Variants in HDX observed in about 807,000 individuals in gnomAD.
The protein encoded by HDX is chromosome X open reading frame 43.
Under a neutral mutation model 45.2 loss-of-function variants are expected in HDX, and 19 were observed. The observed-to-expected ratio is 0.42, with a 90% CI of 0.29 to 0.62. The LOEUF (loss-of-function observed/expected upper bound fraction) is 0.62. Ranked by LOEUF, HDX falls within the 20% of genes least tolerant of loss-of-function variation. HDX has a pLI of 0.20. For missense variants in HDX, 532 were observed against 493.9 expected, an observed-to-expected ratio of 1.08 and a Z score of -0.73; for synonymous variants, 188 against 172.8, an observed-to-expected ratio of 1.09 and a Z score of -0.69.
intron 4 of HDX, among the ~76,000 whole-genome samples, chrX:84,445,421 AT>A (rs1042117036): frequency 2.7e-4 from 29 of 108,282 alleles, no homozygotes; most frequent in East Asian, 1.2e-3. Context: ...GAGTTTCCTA[AT>A]TTTTTTTTTC....
At chrX:84,442,395 T>A (rs187926558) in intron 4 of HDX, among the ~76,000 whole-genome samples, 1 of 111,023 alleles carries the variant, frequency 9.0e-6, no homozygotes, top group Admixed American at 9.6e-5. Flanking sequence ...TTACTTTGAG[T>A]TACAAGTATG....
intron 5 of HDX, among the ~76,000 whole-genome samples, chrX:84,381,697 C>A (rs2038192474): frequency 9.0e-6 from 1 of 111,421 alleles, no homozygotes; most frequent in Non-Finnish European, 1.9e-5. Flanking sequence ...ATACAAAAAT[C>A]AAAACAAAAT....
intron 1 of HDX, among the ~76,000 whole-genome samples, chrX:84,495,648 A>G (rs1361888477): frequency 8.9e-6 from 1 of 111,823 alleles, no homozygotes; most frequent in Non-Finnish European, 1.9e-5. Context: ...CTCCTCCTTT[A>G]TTCTTCAAAT....
chrX:84,340,190 G>A (rs1168625505), intron 7 of HDX, among the ~76,000 whole-genome samples: 2 of 110,999 alleles, frequency 1.8e-5, no homozygotes, highest in Admixed American at 9.6e-5. Context: ...AGAAACAAAT[G>A]AGTGGAACTG....
chrX:84,406,713 T>C (rs1350312246), intron 5 of HDX, among the ~76,000 whole-genome samples: 2 of 111,334 alleles, frequency 1.8e-5, no homozygotes, highest in Non-Finnish European at 3.8e-5. Flanking sequence ...GTTGCACTAT[T>C]ATGCTTTTAT....
intron 5 of HDX, among the ~76,000 whole-genome samples, chrX:84,389,283 G>A (rs959706578): frequency 8.9e-6 from 1 of 111,809 alleles, no homozygotes; most frequent in East Asian, 2.8e-4. Flanking sequence ...GCCACGCCTG[G>A]CTTTCTTTTG....
At chrX:84,350,969 T>C (rs1314205351) in intron 6 of HDX, among the ~76,000 whole-genome samples, 6 of 111,194 alleles carry the variant, frequency 5.4e-5, no homozygotes, top group Non-Finnish European at 9.4e-5. Context: ...GTATAGAACT[T>C]TTCTGTATCC....
intron 6 of HDX, among the ~76,000 whole-genome samples, chrX:84,348,896 C>G (rs753836826): frequency 9.0e-6 from 1 of 111,695 alleles, no homozygotes; most frequent in Non-Finnish European, 1.9e-5. Flanking sequence ...CTTAACAGAA[C>G]GTTCTAATGT....
chrX:84,424,387 C>A lies in HDX; in HGVS notation c.1305+16145G>T, dbSNP rs73507098. Among the ~76,000 whole-genome samples the A allele has an allele frequency of 6.1e-3, 669 of 109,918 alleles. 7 individuals are homozygous for A. Among genetic ancestry groups the A allele is most frequent in the African/African-American group, 0.021 (620 of 30,225 alleles). ...ATATTGTTAATGTGTACATAATCCC[C>A]AAAGCAATAAAGATTCAATGCGATC... On this transcript the variant is annotated intron_variant, in intron 5 of 10. Transcript: ENST00000373177.
intron 1 of HDX, among the ~76,000 whole-genome samples, chrX:84,495,134 TA>T (rs771000223): frequency 2.5e-3 from 247 of 99,656 alleles, no homozygotes; most frequent in East Asian, 5.8e-3. Context: ...ATGTGGAATC[TA>T]AAAAAAAAAA....
chrX:84,365,345 C>T (rs1457433472), intron 5 of HDX, among the ~76,000 whole-genome samples: 1 of 111,064 alleles, frequency 9.0e-6, no homozygotes, highest in African/African-American at 3.3e-5. Flanking sequence ...ATAGGGATGG[C>T]CAAAACCATG....
intron 7 of HDX, among the ~76,000 whole-genome samples, chrX:84,339,496 G>T (rs754303407): frequency 9.0e-6 from 1 of 111,302 alleles, no homozygotes; most frequent in African/African-American, 3.2e-5. Context: ...TATTTTGGAA[G>T]ATTAAAATTA....
chrX:84,428,454 G>A (rs773573573), intron 5 of HDX, among the ~76,000 whole-genome samples: 34 of 110,445 alleles, frequency 3.1e-4, no homozygotes, highest in African/African-American at 1.0e-3. Flanking sequence ...GAAAACTCTC[G>A]TCTACTTTCT....
At chrX:84,480,516 C>A (rs1014529996) in intron 2 of HDX, among the ~76,000 whole-genome samples, 18 of 111,235 alleles carry the variant, frequency 1.6e-4, no homozygotes, top group Non-Finnish European at 3.0e-4. Flanking sequence ...TAAAGAAGTT[C>A]TCTTTTATGT....
At chrX:84,495,143 A>C (rs1256195853) in intron 1 of HDX, among the ~76,000 whole-genome samples, 1 of 111,290 alleles carries the variant, frequency 9.0e-6, no homozygotes, top group Non-Finnish European at 1.9e-5. Context: ...CTAAAAAAAA[A>C]AAAAGTCAAA....
intron 4 of HDX, among the ~76,000 whole-genome samples, chrX:84,449,435 C>T (rs1253447891): frequency 9.0e-6 from 1 of 111,454 alleles, no homozygotes; most frequent in African/African-American, 3.3e-5. Context: ...ATCTAGTCAC[C>T]TTTATAAAAC....
At chrX:84,437,227 T>C (rs1453171909) in intron 5 of HDX, among the ~76,000 whole-genome samples, 1 of 111,099 alleles carries the variant, frequency 9.0e-6, no homozygotes, top group African/African-American at 3.3e-5. Flanking sequence ...AAACATTATA[T>C]AGTAATAAAG....
chrX:84,324,397 C>T (rs1263012006), intron 10 of HDX, among the ~76,000 whole-genome samples: 1 of 111,484 alleles, frequency 9.0e-6, no homozygotes, highest in Non-Finnish European at 1.9e-5. Context: ...TAAGCGATTA[C>T]CTAGATAACT....
At chrX:84,447,263 C>G (rs2039894205) in intron 4 of HDX, among the ~76,000 whole-genome samples, 1 of 111,606 alleles carries the variant, frequency 9.0e-6, no homozygotes, top group South Asian at 3.7e-4. Context: ...AGAAACAAAA[C>G]AGCAAGTAGA....
Sources: gnomAD v4.1 joint callset for allele counts (sites outside exome capture counted in the v4.1 genomes callset) on GRCh38, gnomAD v4.1.1 for gene constraint, MANE v1.5 for transcripts, NCBI Gene and HGNC (gene_info 2026-07-23, HGNC 2026-07-21) for gene names.